Variants in ARHGEF18 observed in about 807,000 individuals in gnomAD.
ARHGEF18 encodes rho guanine nucleotide exchange factor 18.
In ARHGEF18, 93 loss-of-function variants were observed where a neutral mutation model predicts 155.7. The ratio of observed to expected loss-of-function variants is 0.60; its 90% CI spans 0.50 to 0.71. The LOEUF (loss-of-function observed/expected upper bound fraction) is 0.71. ARHGEF18 is among the 30% of genes least tolerant of loss of function. ARHGEF18 has a pLI of 0.00. For missense variants in ARHGEF18, 1,593 were observed against 1,816.1 expected, an observed-to-expected ratio of 0.88 and a Z score of 2.23; for synonymous variants, 742 against 753.1, an observed-to-expected ratio of 0.99 and a Z score of 0.24.
intron 10 of ARHGEF18, among the ~76,000 whole-genome samples, chr19:7,428,858 T>C (rs568213786): frequency 3.9e-5 from 6 of 152,334 alleles, no homozygotes; most frequent in African/African-American, 1.4e-4. Context: ...TGCATGGCTG[T>C]GTGCTCGTGC....
At chr19:7,392,462 G>A (rs1600275442) in intron 10 of ARHGEF18, 1 of 152,022 alleles carries the variant, frequency 6.6e-6, no homozygotes, top group East Asian at 1.9e-4. Flanking sequence ...CACTTTGGGA[G>A]GCCAGGGTGG....
intron 10 of ARHGEF18, among the ~76,000 whole-genome samples, chr19:7,426,930 G>A (rs187562311): frequency 3.3e-5 from 5 of 152,262 alleles, no homozygotes; most frequent in East Asian, 3.9e-4. Context: ...TCACCTCGCC[G>A]TGTTGAAAGG....
intron 10 of ARHGEF18, among the ~76,000 whole-genome samples, chr19:7,430,071 C>T (rs7259729): frequency 0.53 from 80,712 of 151,696 alleles, 22,136 homozygotes; most frequent in East Asian, 0.75. Flanking sequence ...CCAGTTTCCC[C>T]GCACATTAAT....
intron 1 of ARHGEF18, among the ~76,000 whole-genome samples, chr19:7,355,940 C>G (rs988573833): frequency 1.3e-5 from 2 of 152,120 alleles, no homozygotes; most frequent in Admixed American, 1.3e-4. Context: ...TTGTCTCGGG[C>G]GGTAAATTTG....
At chr19:7,405,877 C>T (rs543735150) in intron 10 of ARHGEF18, among the ~76,000 whole-genome samples, 1 of 152,262 alleles carries the variant, frequency 6.6e-6, no homozygotes, top group African/African-American at 2.4e-5. Context: ...CTTCAGCCTC[C>T]CAAAACACCG....
At chr19:7,398,194 C>G (rs527678582) in intron 10 of ARHGEF18, among the ~76,000 whole-genome samples, 2 of 152,148 alleles carry the variant, frequency 1.3e-5, no homozygotes, top group East Asian at 3.9e-4. Context: ...CTCAGCCTCC[C>G]GAGTAGCTGG....
Position 7,380,945 on chromosome 19 carries a change from A to G in ARHGEF18, c.673A>G (p.Ser225Gly). Residue 225 changes from serine to glycine, a missense_variant, in exon 8 of 29, where the codon AGC becomes GGC. Physicochemically the swap from Ser to Gly is moderately conservative, Grantham distance 56. Coordinates refer to ENST00000668164, the MANE Select transcript of ARHGEF18 (RefSeq NM_001367823.1). ...GARQRACMSA[S>G]PGGAHSNLTW... ...CCGGCAGAGGGCTTGCATGTCAGCC[A>G]GCCCCGGAGGAGCCCACTCGAACCT... is the stretch of plus-strand genomic sequence containing the variant. 8.1e-7 allele frequency: 1 copy of G among 1,232,184 alleles called. No homozygotes were observed. The highest frequency in any genetic ancestry group is 1.0e-6 in the Non-Finnish European group (1 of 987,998). 76.3% of individuals were successfully genotyped at this position (1,232,184 alleles called of 1,614,324 possible).
intron 1 of ARHGEF18, among the ~76,000 whole-genome samples, chr19:7,361,544 C>T (rs767188188): frequency 6.6e-5 from 10 of 152,200 alleles, no homozygotes; most frequent in Non-Finnish European, 1.5e-4. Context: ...GGAAAACACA[C>T]ATCCGTGCAA....
In ARHGEF18 at chr19:7,459,966, C is replaced by T. The variant is rs566493400; in HGVS notation, c.2424C>T (p.Ala808=). 6.9e-6 allele frequency: 11 copies of T among 1,587,888 alleles called. No homozygotes were observed. Among genetic ancestry groups the T allele is most frequent in the Non-Finnish European group, 8.6e-6 (10 of 1,167,080 alleles). The part of the protein sequence containing the change: ...LPEEERKVVE[A]RATRLRDFQE... ...AAGAGGAAAGGAAGGTGGTCGAGGC[C>T]CGCGCCACGAGACTCCGGGACTTTC... Residue 808 remains alanine (A), a synonymous_variant, in exon 20 of 29, where the codon GCC becomes GCT. Transcript: ENST00000668164.
chr19:7,477,725 A>G, the ARHGEF18 span, among the ~76,000 whole-genome samples: 1 of 152,178 alleles, frequency 6.6e-6, no homozygotes, highest in African/African-American at 2.4e-5. Context: ...AGAAAGCACA[A>G]ATGCACTTTG....
chr19:7,368,020 C>CGGAAGGAAGGAGGGAAGGAA (rs1970020334), intron 2 of ARHGEF18, among the ~76,000 whole-genome samples: 1 of 95,180 alleles, frequency 1.1e-5, no homozygotes, highest in African/African-American at 5.3e-5. Flanking sequence ...GGAGGGAGGG[C>CGGAAGGAAGGAGGGAAGGAA]GGAAGGAAGG....
chr19:7,369,576 A>T (rs1970106861), intron 2 of ARHGEF18, among the ~76,000 whole-genome samples: 1 of 152,024 alleles, frequency 6.6e-6, no homozygotes, highest in Non-Finnish European at 1.5e-5. Flanking sequence ...AGGCAGGTGA[A>T]TCATGAGGTC....
intron 3 of ARHGEF18, among the ~76,000 whole-genome samples, chr19:7,373,844 T>C (rs1970315451): frequency 7.3e-6 from 1 of 136,526 alleles, no homozygotes; most frequent in South Asian, 2.2e-4. Context: ...CCCGCTCCTA[T>C]GAGAATTTTT....
At chr19:7,451,365 C>G in intron 16 of ARHGEF18, 99 bp downstream of exon 16, 2 of 974,798 alleles carry the variant, frequency 2.1e-6, no homozygotes, top group Non-Finnish European at 3.0e-6. Context: ...TGAATAAATT[C>G]CCTTTGAAAT....
At chr19:7,361,994 A>AGAAGAAGAAGAAGAG (rs1969572378) in intron 1 of ARHGEF18, among the ~76,000 whole-genome samples, 8 of 43,156 alleles carry the variant, frequency 1.9e-4, no homozygotes, top group Non-Finnish European at 3.1e-4. Flanking sequence ...ACTCTGTGGA[A>AGAAGAAGAAGAAGAG]GAAGAAGAAG....
At chr19:7,419,509 G>A (rs989497758) in intron 10 of ARHGEF18, among the ~76,000 whole-genome samples, 3 of 151,904 alleles carry the variant, frequency 2.0e-5, no homozygotes, top group Middle Eastern at 3.2e-3. Flanking sequence ...GGGAACTCCC[G>A]GCCTCCAGCC....
intron 10 of ARHGEF18, among the ~76,000 whole-genome samples, chr19:7,397,249 A>G (rs1971763133): frequency 6.6e-6 from 1 of 151,888 alleles, no homozygotes; most frequent in Admixed American, 6.6e-5. Context: ...TGAAATTAGT[A>G]TGTGATTTTA....
chr19:7,375,302 G>A (rs1229832275), intron 3 of ARHGEF18, among the ~76,000 whole-genome samples: 4 of 94,954 alleles, frequency 4.2e-5, no homozygotes, highest in South Asian at 6.3e-4. Flanking sequence ...AAGAAAGAAA[G>A]AAAAGAAAGA....
chr19:7,362,631 T>C, intron 1 of ARHGEF18, 150 bp from the exon 2 acceptor site: 5 of 627,478 alleles, frequency 8.0e-6, no homozygotes, highest in Non-Finnish European at 1.1e-5. Flanking sequence ...TCAAGATCAT[T>C]GAGACCATCT....
Sources: gnomAD v4.1 joint callset for allele counts (sites outside exome capture counted in the v4.1 genomes callset) on GRCh38, gnomAD v4.1.1 for gene constraint, MANE v1.5 for transcripts, NCBI Gene and HGNC (gene_info 2026-07-23, HGNC 2026-07-21) for gene names.